The following C12orf75 variants were observed in gnomAD, a reference collection of about 807,000 sequenced individuals.
C12orf75 encodes overexpressed in colon carcinoma 1 protein.
In C12orf75, 4 loss-of-function variants were observed where a neutral mutation model predicts 11.4. The ratio of observed to expected loss-of-function variants is 0.35; its 90% confidence interval spans 0.17 to 0.80. C12orf75 has a LOEUF of 0.80. C12orf75 is among the 30% of genes least tolerant of loss of function. C12orf75 has a pLI of 0.52. For synonymous variants in C12orf75, 30 were observed against 30.0 expected (o/e 1.00, Z 0.00); for missense variants, 89 against 80.4 (o/e 1.11, Z -0.41).
At chr12:105,336,059 T>G (rs1055835740) in intron 1 of C12orf75, among the ~76,000 whole-genome samples, 1 of 152,188 alleles carries the variant, frequency 6.6e-6, no homozygotes, top group Non-Finnish European at 1.5e-5. Flanking sequence ...TTTATTTGGC[T>G]TTGAAGAATA....
At position 105,335,721 on chromosome 12, in the gene C12orf75, A is replaced by T. The variant is rs139538301; in HGVS notation, c.46+4784A>T. ...GAAACACTTTTTTGCTGGAGAGCTGATACTATGTTTATTTCTTGTCTCCTT... is the reference window on the plus strand; with the variant it reads ...GAAACACTTTTTTGCTGGAGAGCTGTTACTATGTTTATTTCTTGTCTCCTT... On this transcript the variant is annotated intron_variant, in intron 1 of 5. Transcript: ENST00000443585. Among the ~76,000 whole-genome samples, 47 of 152,144 alleles carry T rather than the reference A, an allele frequency of 3.1e-4. No individual in the cohort carries two copies. The East Asian group carries it at 8.3e-3, about 27-fold the overall frequency.
intron 2 of C12orf75, among the ~76,000 whole-genome samples, chr12:105,350,098 C>T (rs1020213625): frequency 6.6e-6 from 1 of 152,110 alleles, no homozygotes; most frequent in Non-Finnish European, 1.5e-5. Context: ...AATACTGCAC[C>T]CTGACCGTAT....
chr12:105,331,591 AACACACACACACAC>A lies in C12orf75; in HGVS notation c.46+674_46+687del, dbSNP rs71440581. Among the ~76,000 whole-genome samples the A allele has an allele frequency of 1.2e-3, 176 of 149,290 alleles. 4 individuals carry two copies. The East Asian group carries it at 0.017, about 15-fold the overall frequency. Reference sequence around the variant, plus strand: ...CAGTCTGTTAAGATACTTTTCATTAAACACACACACACACACACACACACACACACACAAATAGA... The same window carrying A: ...CAGTCTGTTAAGATACTTTTCATTAAACACACACACACACACACAAATAGA... On this transcript the variant is annotated intron_variant, in intron 1 of 5. Transcript: ENST00000443585.
chr12:105,365,279 A>T (rs1168285727), intron 2 of C12orf75, among the ~76,000 whole-genome samples: 2 of 152,262 alleles, frequency 1.3e-5, no homozygotes, highest in Admixed American at 1.3e-4. Context: ...AAAAAATCAA[A>T]TAGGCATTAA....
intron 1 of C12orf75, among the ~76,000 whole-genome samples, chr12:105,339,438 C>T (rs1386864408): frequency 5.9e-5 from 8 of 135,562 alleles, no homozygotes; most frequent in Non-Finnish European, 1.1e-4. Flanking sequence ...AATTTTATTT[C>T]GGGTGTGTGT....
chr12:105,366,459 C>A, intron 3 of C12orf75, 158 bp from the exon 4 acceptor site: 1 of 404,960 alleles, frequency 2.5e-6, no homozygotes, highest in Admixed American at 4.3e-5. Context: ...ACCTAGGAAA[C>A]CAATTATATT....
intron 3 of C12orf75, chr12:105,366,222 A>G (rs1191013319): frequency 6.9e-6 from 2 of 288,526 alleles, no homozygotes; most frequent in Non-Finnish European, 1.3e-5. Context: ...GTATCTCTCT[A>G]TTAGTAAGAT....
At chr12:105,351,110 A>C (rs970274357) in intron 2 of C12orf75, among the ~76,000 whole-genome samples, 3 of 152,244 alleles carry the variant, frequency 2.0e-5, no homozygotes, top group African/African-American at 4.8e-5. Flanking sequence ...AGGCACGTTC[A>C]ATTTTTTAAG....
At chr12:105,369,705 C>T (rs986979013) in intron 5 of C12orf75, among the ~76,000 whole-genome samples, 2 of 152,088 alleles carry the variant, frequency 1.3e-5, no homozygotes, top group Non-Finnish European at 1.5e-5. Context: ...TGAGAACATG[C>T]GATGTTTAGC....
At chr12:105,341,876 G>GAATA (rs1214207142) in intron 1 of C12orf75, among the ~76,000 whole-genome samples, 1 of 152,198 alleles carries the variant, frequency 6.6e-6, no homozygotes, top group Non-Finnish European at 1.5e-5. Context: ...TCGTGGTAGT[G>GAATA]AATAAGTCAT....
chr12:105,332,074 A>G (rs951060236), intron 1 of C12orf75, among the ~76,000 whole-genome samples: 1 of 152,184 alleles, frequency 6.6e-6, no homozygotes, highest in African/African-American at 2.4e-5. Context: ...AGGAGAGCGA[A>G]CTTTTTAGAT....
At position 105,330,851 on chromosome 12, in the gene C12orf75, G is replaced by C; in HGVS notation, c.-41G>C. On this transcript the variant is annotated 5_prime_UTR_variant, in exon 1 of 6. Transcript: ENST00000443585. ...TGGGTCTCCGCCCCCAGGACCCGCG[G>C]CCGAGAGCTCCGGAGCGCGGCTTCC... 1 of 1,251,904 alleles carries C rather than the reference G, an allele frequency of 8.0e-7. No individual in the cohort carries two copies. Among genetic ancestry groups the C allele is most frequent in the East Asian group, 3.2e-5 (1 of 30,882 alleles). The allele number at this position is 1,251,904 out of a possible 1,614,324, so 77.5% of individuals were successfully genotyped here. A position where few individuals can be genotyped will look rare whatever the true frequency, so the allele number is the denominator to read the frequency against.
rs942019189 is a variant in C12orf75, at chr12:105,366,361, T to G, written c.108-256T>G. 2.9e-5 allele frequency: 10 copies of G among 344,504 alleles called. No homozygotes were observed. The East Asian group carries it at 3.3e-4, about 11-fold the overall frequency. The allele number at this position is 344,504 out of a possible 1,614,324, so 21.3% of individuals were successfully genotyped here. On this transcript the variant is annotated intron_variant, in intron 3 of 5. Coordinates refer to ENST00000443585, the MANE Select transcript of C12orf75 (RefSeq NM_001145199.2). ...ATAAATTGTAACATCCCAAAGTCTT[T>G]TCTTCTTTCTCATTACAAGTAAAAT...
rs552464757 is a variant in C12orf75, at chr12:105,371,107, A to G, written c.*507A>G. 6.5e-6 allele frequency: 1 copy of G among 153,946 alleles called. No homozygotes were observed. Among genetic ancestry groups the G allele is most frequent in the Non-Finnish European group, 1.4e-5 (1 of 69,032 alleles). 9.5% of individuals were successfully genotyped at this position (153,946 alleles called of 1,614,324 possible). ...CTACTTCACTTTAATTTTTAGCTGT[A>G]AAATTGGTAAATGGATTCTTACAAC... is the stretch of plus-strand genomic sequence containing the variant. On this transcript the variant is annotated 3_prime_UTR_variant, in exon 6 of 6. Transcript: ENST00000443585.
At chr12:105,363,584 G>T (rs1172257039) in intron 2 of C12orf75, among the ~76,000 whole-genome samples, 1 of 152,120 alleles carries the variant, frequency 6.6e-6, no homozygotes, top group Non-Finnish European at 1.5e-5. Flanking sequence ...AATTAGCTGA[G>T]CATGGTGGCA....
At chr12:105,344,187 C>T (rs534108789) in intron 1 of C12orf75, among the ~76,000 whole-genome samples, 1 of 152,306 alleles carries the variant, frequency 6.6e-6, no homozygotes, top group East Asian at 1.9e-4. Flanking sequence ...AAACTCATTT[C>T]TCATTTCACA....
At chr12:105,357,831 G>A (rs900918746) in intron 2 of C12orf75, among the ~76,000 whole-genome samples, 6 of 116,348 alleles carry the variant, frequency 5.2e-5, no homozygotes, top group Non-Finnish European at 1.0e-4. Flanking sequence ...AGAGAGAGAG[G>A]AGAGAGAGAG....
intron 2 of C12orf75, among the ~76,000 whole-genome samples, chr12:105,355,561 A>C (rs1020247237): frequency 2.6e-5 from 4 of 152,194 alleles, no homozygotes; most frequent in Non-Finnish European, 5.9e-5. Flanking sequence ...GGGGACAGTT[A>C]TGGCAGGGTT....
chr12:105,355,172 TTC>T (rs1491004812), intron 2 of C12orf75, among the ~76,000 whole-genome samples: 1 of 49,056 alleles, frequency 2.0e-5, no homozygotes, highest in Non-Finnish European at 6.0e-5. Context: ...CTTTTTCTTT[TTC>T]TTTTTCTTTT....
Sources: allele counts gnomAD v4.1 joint callset (sites outside exome capture counted in the v4.1 genomes callset), GRCh38; gene constraint gnomAD v4.1.1; transcripts MANE v1.5; gene names NCBI Gene and HGNC (gene_info 2026-07-23, HGNC 2026-07-21).